The following ACKR2 variants were observed in gnomAD, a reference collection of about 807,000 sequenced individuals.
ACKR2 encodes C-C chemokine receptor D6.
For missense variants in ACKR2, 457 were observed against 477.3 expected (o/e 0.96, Z 0.40); for synonymous variants, 207 against 192.2 (o/e 1.08, Z -0.64).
intron 2 of ACKR2, among the ~76,000 whole-genome samples, chr3:42,842,506 C>T (rs1050468074): frequency 5.3e-5 from 8 of 152,110 alleles, no homozygotes; most frequent in African/African-American, 1.9e-4. Flanking sequence ...CCCTCTTCAC[C>T]TTATGAATTT....
chr3:42,852,891 G>T lies in ACKR2; in HGVS notation c.-37-11575G>T, dbSNP rs1701177338. 6.6e-6 allele frequency among the ~76,000 whole-genome samples: 1 copy of T among 152,180 alleles called. No individual in the cohort carries two copies. Among genetic ancestry groups the T allele is most frequent in the Non-Finnish European group, 1.5e-5 (1 of 68,046 alleles). Reference sequence around the variant, plus strand: ...AACATGTTAAAAAAGTAAGGAGAGAGAGTGTGCCGTGATCTGGAATCAGAG... The same window carrying T: ...AACATGTTAAAAAAGTAAGGAGAGATAGTGTGCCGTGATCTGGAATCAGAG... On this transcript the variant is annotated intron_variant, in intron 2 of 2. Coordinates refer to ENST00000422265, the MANE Select transcript of ACKR2 (RefSeq NM_001296.5). The surrounding 1 kb of genome is among the most constrained non-coding windows in gnomAD (Gnocchi z 4.3).
intron 2 of ACKR2, among the ~76,000 whole-genome samples, chr3:42,821,855 C>T (rs1490832331): frequency 6.6e-6 from 1 of 151,996 alleles, no homozygotes; most frequent in Non-Finnish European, 1.5e-5. Context: ...CACTACCACG[C>T]CCGGCTAATA....
At chr3:42,843,924 C>T (rs962305560) in intron 2 of ACKR2, 1 of 152,360 alleles carries the variant, frequency 6.6e-6, no homozygotes, top group Admixed American at 6.5e-5. Context: ...TGTAGCCACA[C>T]TTCCCACTCT....
chr3:42,857,831 C>G (rs2088337175), intron 2 of ACKR2, among the ~76,000 whole-genome samples: 1 of 152,188 alleles, frequency 6.6e-6, no homozygotes, highest in Non-Finnish European at 1.5e-5. Flanking sequence ...ATGGATAAAA[C>G]AAGCCCCACT....
chr3:42,862,670 A>G (rs186596360), intron 2 of ACKR2, among the ~76,000 whole-genome samples: 6 of 152,260 alleles, frequency 3.9e-5, no homozygotes. Context: ...ATATATAAAC[A>G]AATGGAACAG....
intron 2 of ACKR2, among the ~76,000 whole-genome samples, chr3:42,861,522 G>A (rs921288835): frequency 6.6e-6 from 1 of 152,164 alleles, no homozygotes; most frequent in African/African-American, 2.4e-5. Context: ...TATGAGGCCA[G>A]CATCATCCTG....
chr3:42,831,462 A>G (rs1293721926), intron 2 of ACKR2, among the ~76,000 whole-genome samples: 2 of 152,280 alleles, frequency 1.3e-5, no homozygotes. Flanking sequence ...GGCTAATTTC[A>G]TTGGCCAATG....
In ACKR2 at chr3:42,865,275, CCTT is replaced by C; in HGVS notation, c.778_780del (p.Phe260del). 6.2e-7 allele frequency: 1 copy of C among 1,614,190 alleles called. No homozygotes were observed. The highest frequency in any genetic ancestry group is 1.3e-5 in the African/African-American group (1 of 75,046). The stretch of plus-strand genomic sequence containing the variant: ...AAAATAGCTGCAGCCTTGGTGGTGG[CCTT>C]CTTCGTGCTATGGTTCCCATACAAT... On this transcript the variant is annotated inframe_deletion, in exon 3 of 3. Transcript: ENST00000422265.
At chr3:42,827,917 A>G (rs147677641) in intron 2 of ACKR2, among the ~76,000 whole-genome samples, 26 of 152,154 alleles carry the variant, frequency 1.7e-4, no homozygotes, top group Non-Finnish European at 2.5e-4. Context: ...TGGGCAGAGC[A>G]AGAAAAATGA....
Position 42,865,429 on chromosome 3 carries a change from C to G in ACKR2, c.927C>G (p.Pro309=), listed in dbSNP as rs955213024. 2 of 1,614,076 alleles carry G rather than the reference C, an allele frequency of 1.2e-6. No individual in the cohort carries two copies. Among genetic ancestry groups the G allele is most frequent in the African/African-American group, 1.3e-5 (1 of 74,918 alleles). Residue 309 remains proline (P), a synonymous_variant, in exon 3 of 3, where the codon CCC becomes CCG. Coordinates refer to ENST00000422265, the MANE Select transcript of ACKR2 (RefSeq NM_001296.5). The part of the protein sequence containing the change: ...SIAFLHCCFS[P]ILYAFSSHRF... Reference sequence around the variant, plus strand: ...CCTTCCTTCACTGCTGCTTTTCCCCCATCCTGTATGCCTTCTCCAGTCACC... The same window carrying G: ...CCTTCCTTCACTGCTGCTTTTCCCCGATCCTGTATGCCTTCTCCAGTCACC...
chr3:42,841,875 T>C (rs1701042282), intron 2 of ACKR2: 1 of 152,222 alleles, frequency 6.6e-6, no homozygotes, highest in Non-Finnish European at 1.5e-5. Flanking sequence ...TGGGCAGCTT[T>C]AGAAGGGGCC....
At position 42,828,092 on chromosome 3, in the gene ACKR2, A is replaced by ATATATT. The variant is rs1193533555; in HGVS notation, c.-38+8382_-38+8383insATATTT. 8.1e-3 allele frequency among the ~76,000 whole-genome samples: 981 copies of ATATATT among 121,854 alleles called. 9 individuals carry two copies. Among genetic ancestry groups the ATATATT allele is most frequent in the South Asian group, 0.017 (59 of 3,550 alleles). The allele number at this position is 121,854 out of a possible 152,430, so 79.9% of individuals were successfully genotyped here. A position where few individuals can be genotyped will look rare whatever the true frequency, so the allele number is the denominator to read the frequency against. On this transcript the variant is annotated intron_variant, in intron 2 of 2. Transcript: ENST00000422265. The stretch of plus-strand genomic sequence containing the variant: ...GCTTGCATTATATATATATATATAT[A>ATATATT]TTTTTTTTTTTTTCTTTTCTTTTCT...
intron 2 of ACKR2, among the ~76,000 whole-genome samples, chr3:42,847,712 G>A (rs925054570): frequency 6.6e-6 from 1 of 151,390 alleles, no homozygotes; most frequent in African/African-American, 2.4e-5. Flanking sequence ...ATCAGAGCAT[G>A]AGCTTGGTGG....
chr3:42,814,209 A>G (rs1010615596), intron 1 of ACKR2, among the ~76,000 whole-genome samples: 18 of 152,264 alleles, frequency 1.2e-4, no homozygotes, highest in Admixed American at 6.5e-4. Flanking sequence ...TACATCTTTC[A>G]TAATACAGAC....
intron 1 of ACKR2, among the ~76,000 whole-genome samples, chr3:42,811,220 TG>T (rs1003602747): frequency 2.6e-5 from 4 of 152,218 alleles, no homozygotes; most frequent in African/African-American, 9.6e-5. Context: ...AGACTGTTAC[TG>T]TGTCTATGTA....
chr3:42,848,495 G>C lies in ACKR2; in HGVS notation c.-37-15971G>C, dbSNP rs568802259. ...GGCCTCCCAAACTGCTGGGATTACA[G>C]GCAAGAGACACTGTGCCAGGCCCAG... On this transcript the variant is annotated intron_variant, in intron 2 of 2. Transcript: ENST00000422265. Among the ~76,000 whole-genome samples, 48 of 152,130 alleles carry C rather than the reference G, an allele frequency of 3.2e-4. 1 individual carries two copies. Among genetic ancestry groups the C allele is most frequent in the South Asian group, 2.9e-3 (14 of 4,814 alleles).
chr3:42,828,020 A>C lies in ACKR2; in HGVS notation c.-38+8309A>C, dbSNP rs1475300023. Among the ~76,000 whole-genome samples, 7 of 151,782 alleles carry C rather than the reference A, an allele frequency of 4.6e-5. No individual in the cohort carries two copies. The East Asian group carries it at 1.3e-3, about 29-fold the overall frequency. On this transcript the variant is annotated intron_variant, in intron 2 of 2. Coordinates refer to ENST00000422265, the MANE Select transcript of ACKR2 (RefSeq NM_001296.5). ...TGTGTAAAGTCAACAGGGAAAGGAA[A>C]GAGCTGTAGTCATAAATTCTAATCC... is the stretch of plus-strand genomic sequence containing the variant.
chr3:42,824,639 A>G (rs1030987845), intron 2 of ACKR2, among the ~76,000 whole-genome samples: 15 of 152,178 alleles, frequency 9.9e-5, no homozygotes, highest in African/African-American at 3.6e-4. Flanking sequence ...AATGTTTTCA[A>G]GGTTCATCCA....
At chr3:42,855,430 C>T (rs1399223533) in intron 2 of ACKR2, among the ~76,000 whole-genome samples, 1 of 152,142 alleles carries the variant, frequency 6.6e-6, no homozygotes, top group African/African-American at 2.4e-5. Flanking sequence ...GTGCTGACTG[C>T]TGCTGTCATT....
Sources: allele counts gnomAD v4.1 joint callset (sites outside exome capture counted in the v4.1 genomes callset), GRCh38; gene constraint gnomAD v4.1.1; non-coding constraint Gnocchi (gnomAD v3.1); transcripts MANE v1.5; gene names NCBI Gene and HGNC (gene_info 2026-07-23, HGNC 2026-07-21).